Variants in MYO9B observed in about 807,000 individuals in gnomAD.
MYO9B encodes the protein myosin IXB.
Under a neutral mutation model 229.5 loss-of-function variants are expected in MYO9B, and 71 were observed. The observed-to-expected ratio is 0.31, with a 90% CI of 0.26 to 0.38. MYO9B has a LOEUF of 0.38. Ranked by LOEUF, MYO9B falls within the 10% of genes least tolerant of loss-of-function variation. The pLI, the probability that MYO9B is intolerant of heterozygous loss-of-function variation, is 1.00. For synonymous variants in MYO9B, 1,185 were observed against 1,235.8 expected, an observed-to-expected ratio of 0.96 and a Z score of 0.86; for missense variants, 2,255 against 2,920.5, an observed-to-expected ratio of 0.77 and a Z score of 5.25.
chr19:17,130,738 A>G (rs902210618), intron 2 of MYO9B, among the ~76,000 whole-genome samples: 24 of 151,614 alleles, frequency 1.6e-4, no homozygotes, highest in Non-Finnish European at 2.9e-4. Context: ...GAGCCACTGC[A>G]TTCTGGCCTG....
At chr19:17,189,656 A>T (rs937081006) in intron 19 of MYO9B, among the ~76,000 whole-genome samples, 6 of 151,294 alleles carry the variant, frequency 4.0e-5, no homozygotes, top group Non-Finnish European at 8.8e-5. Context: ...CTACAATCTA[A>T]CTCCCCCACA....
intron 2 of MYO9B, among the ~76,000 whole-genome samples, chr19:17,112,687 G>A (rs2057859480): frequency 6.6e-6 from 1 of 152,182 alleles, no homozygotes; most frequent in Non-Finnish European, 1.5e-5. Context: ...AGCAGCTGAT[G>A]GGGCATCCAA....
At chr19:17,107,466 G>A (rs1216313905) in intron 2 of MYO9B, among the ~76,000 whole-genome samples, 1 of 152,130 alleles carries the variant, frequency 6.6e-6, no homozygotes, top group Non-Finnish European at 1.5e-5. Context: ...CCTCCACAGC[G>A]CCATCTCACT....
chr19:17,150,809 C>G (rs1057253660), intron 3 of MYO9B, among the ~76,000 whole-genome samples: 1 of 140,950 alleles, frequency 7.1e-6, no homozygotes, highest in Admixed American at 7.2e-5. Flanking sequence ...TATTTTTCCT[C>G]GAAAAAACAT....
chr19:17,195,264 T>TA lies in MYO9B; in HGVS notation c.3837_3838insA (p.Gly1280ArgfsTer46). On this transcript the variant is annotated frameshift_variant, in exon 22 of 40. Coordinates refer to ENST00000682292, the MANE Select transcript of MYO9B (RefSeq NM_004145.4). LOFTEE classifies it high-confidence loss of function. This position sits in a 1 kb window ranked among gnomAD's most constrained non-coding sequence, Gnocchi z 4.5. ...CCCCCGAGGACAAGAGCAAACCATG[T>TA]GGCAGCCCAAGGGTTCAGGAAAAGC... 1 of 1,611,170 alleles carries TA rather than the reference T, an allele frequency of 6.2e-7. No homozygotes were observed. Among genetic ancestry groups the TA allele is most frequent in the Non-Finnish European group, 8.5e-7 (1 of 1,179,512 alleles).
intron 2 of MYO9B, among the ~76,000 whole-genome samples, chr19:17,131,650 C>T (rs1221217162): frequency 1.3e-5 from 2 of 152,218 alleles, no homozygotes; most frequent in East Asian, 1.9e-4. Flanking sequence ...AAGGCAGGGG[C>T]GTTTGGAAGG....
rs35753035 is a variant in MYO9B, at chr19:17,080,871, T to TAA, written c.-59+5010_-59+5011dup. Among the ~76,000 whole-genome samples the TAA allele has an allele frequency of 2.7e-5, 4 of 146,532 alleles. No individual in the cohort carries two copies. In the South Asian group the frequency reaches 6.4e-4, roughly 24 times the overall value. The stretch of plus-strand genomic sequence containing the variant: ...GTGACAGAACGACACCCCCATCTCT[T>TAA]AAAAAAAAAAAAAATCCCAAATATA... On this transcript the variant is annotated intron_variant, in intron 1 of 39. Transcript: ENST00000682292.
chr19:17,081,472 C>T (rs964230241), intron 1 of MYO9B, among the ~76,000 whole-genome samples: 12 of 152,046 alleles, frequency 7.9e-5, no homozygotes, highest in South Asian at 2.1e-4. Flanking sequence ...TTGGACGCTC[C>T]CTGTTTTCCA....
chr19:17,206,651 T>C (rs1171655571), intron 33 of MYO9B, 28 bp from the exon 34 acceptor site: 4 of 1,544,078 alleles, frequency 2.6e-6, no homozygotes, highest in African/African-American at 1.4e-5. Context: ...CCTTGGGAGC[T>C]GACGTCCTCA....
intron 2 of MYO9B, among the ~76,000 whole-genome samples, chr19:17,111,672 A>G (rs1301213318): frequency 6.6e-6 from 1 of 152,102 alleles, no homozygotes; most frequent in African/African-American, 2.4e-5. Flanking sequence ...AAAGTGTGCA[A>G]TTCAGTGGCA....
Position 17,167,817 on chromosome 19 carries a change from A to T in MYO9B, c.1672-126A>T, listed in dbSNP as rs1002562333. ...TTTTAAGCCACGCATCAGTTTAAAA[A>T]GTTTCCTATTTTGAAGCATTTCAGA... On this transcript the variant is annotated intron_variant, in intron 10 of 39. Transcript: ENST00000682292. 4.1e-5 allele frequency: 53 copies of T among 1,278,926 alleles called. No individual in the cohort carries two copies. The South Asian group carries it at 7.7e-4, about 19-fold the overall frequency. The allele number at this position is 1,278,926 out of a possible 1,614,324, so 79.2% of individuals were successfully genotyped here. A position where few individuals can be genotyped will look rare whatever the true frequency, so the allele number is the denominator to read the frequency against.
At position 17,212,043 on chromosome 19, in the gene MYO9B, C is replaced by T; in HGVS notation, c.6207C>T (p.Asn2069=). ...PRRTPIMPTA[N]IKLPPGLPSH... ...GGACCCCCATCATGCCCACGGCCAA[C>T]ATCAAGCTCCCACCAGGCCTGCCCT... Residue 2069 remains asparagine, a synonymous_variant, in exon 40 of 40, where the codon AAC becomes AAT. Transcript: ENST00000682292. The surrounding 1 kb of genome is among the most constrained non-coding windows in gnomAD (Gnocchi z 5.4). 6.2e-7 allele frequency: 1 copy of T among 1,608,698 alleles called. No homozygotes were observed. Among genetic ancestry groups the T allele is most frequent in the Non-Finnish European group, 8.5e-7 (1 of 1,178,200 alleles).
At chr19:17,140,649 CG>C (rs1446947940) in intron 2 of MYO9B, among the ~76,000 whole-genome samples, 2 of 151,820 alleles carry the variant, frequency 1.3e-5, no homozygotes, top group African/African-American at 2.4e-5. Flanking sequence ...CCACCATGCC[CG>C]GCTAATTTTG....
chr19:17,089,458 G>A (rs572189194), intron 1 of MYO9B, among the ~76,000 whole-genome samples: 4 of 152,228 alleles, frequency 2.6e-5, no homozygotes, highest in South Asian at 4.1e-4. Flanking sequence ...AAACGGCTAC[G>A]CCACACTTTC....
At position 17,201,340 on chromosome 19, in the gene MYO9B, C is replaced by T. The variant is rs557186964; in HGVS notation, c.4563+511C>T. Among the ~76,000 whole-genome samples the T allele has an allele frequency of 1.6e-3, 230 of 145,014 alleles. 1 individual carries two copies. The highest frequency in any genetic ancestry group is 5.1e-3 in the African/African-American group (197 of 38,758). On this transcript the variant is annotated intron_variant, in intron 26 of 39. Coordinates refer to ENST00000682292, the MANE Select transcript of MYO9B (RefSeq NM_004145.4). Reference sequence around the variant, plus strand: ...GTGGCTGCCCTCAGGAGGGTTATACCCCGTGGGGGTGGGGGGTGGGCAATC... The same window carrying T: ...GTGGCTGCCCTCAGGAGGGTTATACTCCGTGGGGGTGGGGGGTGGGCAATC...
At chr19:17,180,771 G>A in intron 14 of MYO9B, 156 bp from the exon 15 acceptor site, 1 of 557,604 alleles carries the variant, frequency 1.8e-6, no homozygotes, top group Non-Finnish European at 3.2e-6. Context: ...AAAAGAGAGA[G>A]GGGCAGCATT....
intron 2 of MYO9B, among the ~76,000 whole-genome samples, chr19:17,114,358 G>A (rs1468216659): frequency 6.6e-6 from 1 of 152,102 alleles, no homozygotes; most frequent in Non-Finnish European, 1.5e-5. Flanking sequence ...GTCCCTTGGG[G>A]GAGGTGACTG....
At chr19:17,152,080 AG>A (rs1439168705) in intron 3 of MYO9B, among the ~76,000 whole-genome samples, 2 of 151,412 alleles carry the variant, frequency 1.3e-5, no homozygotes, top group African/African-American at 4.9e-5. Context: ...CCAGCTACTC[AG>A]GAGGCTGAGG....
rs59741893 is a variant in MYO9B, at chr19:17,121,444, A to AATATATATATATATATATATAT, written c.840+18907_840+18908insATATATATATATATATATATAT. Among the ~76,000 whole-genome samples the AATATATATATATATATATATAT allele has an allele frequency of 2.4e-4, 34 of 142,616 alleles. No homozygotes were observed. The Middle Eastern group carries it at 0.011, about 46-fold the overall frequency. 93.6% of individuals were successfully genotyped at this position (142,616 alleles called of 152,430 possible). A position where few individuals can be genotyped will look rare whatever the true frequency, so the allele number is the denominator to read the frequency against. On this transcript the variant is annotated intron_variant, in intron 2 of 39. Transcript: ENST00000682292. ...ACACTTACAGCAGATATGTATTCCAAATATATATATATATATATATCCAAG... is the reference window on the plus strand; with the variant it reads ...ACACTTACAGCAGATATGTATTCCAAATATATATATATATATATATATATATATATATATATATATATCCAAG...
Sources: allele counts gnomAD v4.1 joint callset (sites outside exome capture counted in the v4.1 genomes callset), GRCh38; gene constraint gnomAD v4.1.1; non-coding constraint Gnocchi (gnomAD v3.1); transcripts MANE v1.5; gene names NCBI Gene and HGNC (gene_info 2026-07-23, HGNC 2026-07-21).